PYGM: variants seen among roughly 807,000 people sequenced by gnomAD.
The protein encoded by PYGM is glycogen phosphorylase, muscle form.
In PYGM, 81 loss-of-function variants were observed where a neutral mutation model predicts 99.3. The observed-to-expected ratio is 0.82, with a 90% CI of 0.68 to 0.98. PYGM has a LOEUF of 0.98. Among genes scored for constraint, PYGM ranks in the 50% least tolerant of loss-of-function variants. The pLI is 0.00. For synonymous variants in PYGM, 436 were observed against 451.5 expected (o/e 0.97, Z 0.44); for missense variants, 1,030 against 1,158.1 (o/e 0.89, Z 1.61).
In PYGM at chr11:64,754,090, C is replaced by T. The variant is rs927020633; in HGVS notation, c.1093-65G>A. Reference sequence around the variant, plus strand: ...CCAGTGGGTCTCCTCACACACTACGCATCCCAGTGGGCCCCCCCACTGCAG... The same window carrying T: ...CCAGTGGGTCTCCTCACACACTACGTATCCCAGTGGGCCCCCCCACTGCAG... On this transcript the variant is annotated intron_variant, in intron 9 of 19. Transcript: ENST00000164139. The surrounding 1 kb of genome is among the most constrained non-coding windows in gnomAD (Gnocchi z 5.5). 1.6e-5 allele frequency: 26 copies of T among 1,602,652 alleles called. No individual in the cohort carries two copies. In the African/African-American group the frequency reaches 2.5e-4, roughly 16 times the overall value.
At chr11:64,749,112 C>T (rs1265903729) in intron 17 of PYGM, among the ~76,000 whole-genome samples, 4 of 151,766 alleles carry the variant, frequency 2.6e-5, no homozygotes, top group African/African-American at 9.7e-5. Context: ...CTTGGGAGGC[C>T]GAGGAGGGTG....
chr11:64,750,305 G>C (rs375389115), intron 17 of PYGM, 71 bp downstream of exon 17: 12 of 1,557,162 alleles, frequency 7.7e-6, no homozygotes, highest in Admixed American at 1.7e-5. Context: ...CAGACGTGCC[G>C]CTTGCTCCCA....
intron 17 of PYGM, 130 bp downstream of exon 17, chr11:64,750,246 A>G: frequency 1.0e-6 from 1 of 982,102 alleles, no homozygotes; most frequent in East Asian, 2.4e-5. Context: ...AGTTTCCCAG[A>G]ATCCTGCTGG....
chr11:64,747,222 A>C lies in PYGM; in HGVS notation c.2312+2T>G, dbSNP rs1397096932. ...GAGTGATTCCCGGGCCAACCAGCTC[A>C]CCGGTCATGGTGCATGAGCATATTG... On this transcript the variant is annotated splice_donor_variant, in intron 18 of 19. Coordinates refer to ENST00000164139, the MANE Select transcript of PYGM (RefSeq NM_005609.4). LOFTEE classifies it high-confidence loss of function. The C allele has an allele frequency of 6.2e-7, 1 of 1,613,912 alleles. No individual in the cohort carries two copies. Among genetic ancestry groups the C allele is most frequent in the Non-Finnish European group, 8.5e-7 (1 of 1,179,958 alleles).
rs199638571 is a variant in PYGM, at chr11:64,754,683, C to T, written c.999+10G>A. 124 of 1,612,784 alleles carry T rather than the reference C, an allele frequency of 7.7e-5. No individual in the cohort carries two copies. The highest frequency in any genetic ancestry group is 1.0e-4 in the Non-Finnish European group (121 of 1,179,822). On this transcript the variant is annotated intron_variant, in intron 8 of 19. Coordinates refer to ENST00000164139, the MANE Select transcript of PYGM (RefSeq NM_005609.4). This position sits in a 1 kb window ranked among gnomAD's most constrained non-coding sequence, Gnocchi z 5.5. ...TCCGGTCACAGAGTCGCCCTCCACACGCATGGTACCTTATCTGGGAAGGCA... is the reference window on the plus strand; with the variant it reads ...TCCGGTCACAGAGTCGCCCTCCACATGCATGGTACCTTATCTGGGAAGGCA...
chr11:64,758,403 G>A (rs771744803), intron 3 of PYGM, 34 bp downstream of exon 3: 11 of 1,613,090 alleles, frequency 6.8e-6, no homozygotes, highest in East Asian at 6.7e-5. Flanking sequence ...GGACCCCATC[G>A]GCCCACTCCA....
rs752622662 is a variant in PYGM, at chr11:64,753,126, G to A, written c.1465C>T (p.Pro489Ser). The change falls in exon 12 of 20, where the codon CCT becomes TCT. Residue 489 changes from proline to serine, a missense_variant. Transcript: ENST00000164139. ...KFQNKTNGITPRRWLVLCNPG... is the reference protein window; with the variant it reads ...KFQNKTNGITSRRWLVLCNPG... ...TTACACAGAACCAGCCAGCGCCGAG[G>A]GGTGATGCCGTTGGTCTTATTCTGG... The A allele has an allele frequency of 7.9e-5, 127 of 1,614,028 alleles. No individual in the cohort carries two copies. In the Middle Eastern group the frequency reaches 8.2e-4, roughly 10 times the overall value.
intron 10 of PYGM, 91 bp from the exon 11 acceptor site, chr11:64,753,773 C>A: frequency 6.5e-7 from 1 of 1,545,240 alleles, no homozygotes; most frequent in Non-Finnish European, 8.7e-7. Flanking sequence ...GCCCAGTGCC[C>A]CCACTGCCCC....
Position 64,750,449 on chromosome 11 carries a change from C to T in PYGM, c.2104G>A (p.Glu702Lys), listed in dbSNP as rs775556000. Residue 702 changes from glutamate to lysine, a missense_variant, in exon 17 of 20, where the codon GAA (glutamate) becomes AAA (lysine). Glu to Lys is a moderately conservative substitution (Grantham distance 56). Transcript: ENST00000164139. ...TMDGANVEMAEEAGEENFFIF... is the reference protein window; with the variant it reads ...TMDGANVEMAKEAGEENFFIF... Reference sequence around the variant, plus strand: ...AAGAAGTTTTCCTCTCCCGCCTCTTCTGCCATCTCCACATTGGCCCCGTCC... The same window carrying T: ...AAGAAGTTTTCCTCTCCCGCCTCTTTTGCCATCTCCACATTGGCCCCGTCC... The T allele has an allele frequency of 3.3e-5, 54 of 1,614,060 alleles. No homozygotes were observed. Among genetic ancestry groups the T allele is most frequent in the Non-Finnish European group, 4.3e-5 (51 of 1,179,998 alleles).
Position 64,758,596 on chromosome 11 carries a change from C to G in PYGM, c.345+7G>C. ...AGTCCCCACGGCTTGCCCCACCCCA[C>G]ACACACCTGGTAGGTGGCCTCGTCA... is the stretch of plus-strand genomic sequence containing the variant. On this transcript the variant is annotated splice_region_variant and intron_variant, in intron 2 of 19. Transcript: ENST00000164139. 6.2e-7 allele frequency: 1 copy of G among 1,613,476 alleles called. No homozygotes were observed. The highest frequency in any genetic ancestry group is 8.5e-7 in the Non-Finnish European group (1 of 1,179,432).
In PYGM at chr11:64,758,531, T is replaced by C. The variant is rs764308665; in HGVS notation, c.346-16A>G. The C allele has an allele frequency of 1.2e-6, 2 of 1,613,976 alleles. No individual in the cohort carries two copies. The highest frequency in any genetic ancestry group is 3.3e-5 in the Admixed American group (2 of 60,006). ...CCAGGCCCAGCTGGAGGAGTGAGGGTGACAGTGGTCAGGGTCAAGTGTCAG... is the reference window on the plus strand; with the variant it reads ...CCAGGCCCAGCTGGAGGAGTGAGGGCGACAGTGGTCAGGGTCAAGTGTCAG... On this transcript the variant is annotated splice_polypyrimidine_tract_variant and intron_variant, in intron 2 of 19. Coordinates refer to ENST00000164139, the MANE Select transcript of PYGM (RefSeq NM_005609.4).
intron 16 of PYGM, 97 bp from the exon 17 acceptor site, chr11:64,750,680 C>CA (rs1290786960): frequency 1.1e-5 from 13 of 1,182,532 alleles, no homozygotes; most frequent in Non-Finnish European, 1.6e-5. Context: ...TAGCTGGACT[C>CA]AGAGTCGCCC....
rs368608057 is a variant in PYGM at position 64,753,648 on chromosome 11, C to T, written c.1274G>A (p.Arg425Gln). 5.0e-5 allele frequency: 80 copies of T among 1,608,660 alleles called. No homozygotes were observed. In the African/African-American group the frequency reaches 8.0e-4, roughly 16 times the overall value. Reference protein sequence around the residue: ...VAAAFPGDVDRLRRMSLVEEG... With the variant: ...VAAAFPGDVDQLRRMSLVEEG... The stretch of plus-strand genomic sequence containing the variant: ...CTCCACCAGCGACATGCGCCGCAGC[C>T]GGTCTACGTCCCCTGGGAATGCGGC... The change falls in exon 11 of 20, where the codon CGG (arginine) becomes CAG (glutamine). Residue 425 changes from arginine to glutamine, a missense_variant. Arg to Gln is a conservative substitution (Grantham distance 43). Transcript: ENST00000164139.
chr11:64,754,896 T>C lies in PYGM; in HGVS notation c.856-60A>G, dbSNP rs2058384322. 4 of 1,602,140 alleles carry C rather than the reference T, an allele frequency of 2.5e-6. No homozygotes were observed. Among genetic ancestry groups the C allele is most frequent in the Non-Finnish European group, 3.4e-6 (4 of 1,175,972 alleles). ...GTGGGGGCATGGCCTAAAGCTGCGGTGGGTGTGGCCAGGAGGGACTCCCAC... is the reference window on the plus strand; with the variant it reads ...GTGGGGGCATGGCCTAAAGCTGCGGCGGGTGTGGCCAGGAGGGACTCCCAC... On this transcript the variant is annotated intron_variant, in intron 7 of 19. Transcript: ENST00000164139. The surrounding 1 kb of genome is among the most constrained non-coding windows in gnomAD (Gnocchi z 5.5).
chr11:64,751,351 T>C lies in PYGM; in HGVS notation c.1943A>G (p.Asn648Ser). ...GDRLRVIFLE[N>S]YRVSLAEKVI... ...TTTCTCGGCCAGTGAGACTCGGTAG[T>C]TCTCCAGGAAGATGACACGGAGGCG... is the stretch of plus-strand genomic sequence containing the variant. The change falls in exon 16 of 20, where the codon AAC becomes AGC. Residue 648 changes from asparagine to serine, a missense_variant. Coordinates refer to ENST00000164139, the MANE Select transcript of PYGM (RefSeq NM_005609.4). The C allele has an allele frequency of 6.2e-7, 1 of 1,614,126 alleles. No homozygotes were observed. The highest frequency in any genetic ancestry group is 8.5e-7 in the Non-Finnish European group (1 of 1,180,034).
intron 18 of PYGM, 91 bp downstream of exon 18, chr11:64,747,133 C>G: frequency 6.3e-7 from 1 of 1,582,140 alleles, no homozygotes; most frequent in Admixed American, 1.7e-5. Flanking sequence ...GCTCCAACTA[C>G]CAGGACCCGC....
chr11:64,755,058 G>A lies in PYGM; in HGVS notation c.855+215C>T, dbSNP rs2058385275. On this transcript the variant is annotated intron_variant, in intron 7 of 19. Coordinates refer to ENST00000164139, the MANE Select transcript of PYGM (RefSeq NM_005609.4). The surrounding 1 kb of genome is among the most constrained non-coding windows in gnomAD (Gnocchi z 4.1). ...CGAGTGTGTTGTGGGTGTCGCCAGG[G>A]AACAGCCCCTCCAAAGTGCCCTTCG... 6.6e-6 allele frequency among the ~76,000 whole-genome samples: 1 copy of A among 152,092 alleles called. No individual in the cohort carries two copies. The highest frequency in any genetic ancestry group is 2.1e-4 in the South Asian group (1 of 4,822).
Position 64,751,316 on chromosome 11 carries a change from A to G in PYGM, c.1969+9T>C. The G allele has an allele frequency of 6.2e-7, 1 of 1,614,144 alleles. No homozygotes were observed. Among genetic ancestry groups the G allele is most frequent in the Non-Finnish European group, 8.5e-7 (1 of 1,180,016 alleles). Reference sequence around the variant, plus strand: ...GAGCCTCCCTAGGGTCCCTGTTGGCAGCACCCACCTTTCTCGGCCAGTGAG... The same window carrying G: ...GAGCCTCCCTAGGGTCCCTGTTGGCGGCACCCACCTTTCTCGGCCAGTGAG... On this transcript the variant is annotated intron_variant, in intron 16 of 19. Coordinates refer to ENST00000164139, the MANE Select transcript of PYGM (RefSeq NM_005609.4).
At chr11:64,747,013 C>T in intron 18 of PYGM, 26 bp from the exon 19 acceptor site, 1 of 1,611,972 alleles carries the variant, frequency 6.2e-7, no homozygotes, top group Non-Finnish European at 8.5e-7. Flanking sequence ...TAGGCATGTG[C>T]TATTCCTTTA....
Sources: gnomAD v4.1 joint callset for allele counts (sites outside exome capture counted in the v4.1 genomes callset) on GRCh38, gnomAD v4.1.1 for gene constraint, Gnocchi (gnomAD v3.1) non-coding constraint, MANE v1.5 for transcripts, NCBI Gene and HGNC (gene_info 2026-07-23, HGNC 2026-07-21) for gene names.